Variants in VTI1A observed in about 807,000 individuals in gnomAD.
VTI1A encodes the protein vesicle transport through interaction with t-SNAREs homolog 1A.
A neutral mutation model predicts 34.9 loss-of-function variants in VTI1A; 22 were observed. The ratio of observed to expected loss-of-function variants is 0.63; its 90% CI spans 0.45 to 0.90. The LOEUF is 0.90. Ranked by LOEUF, VTI1A falls within the 40% of genes least tolerant of loss-of-function variation. The probability of loss-of-function intolerance (pLI) is 0.00; values close to 1 mark genes in which losing one functional copy is unlikely to be tolerated. For synonymous variants in VTI1A, 87 were observed against 97.3 expected, an observed-to-expected ratio of 0.89 and a Z score of 0.62; for missense variants, 268 against 275.6, an observed-to-expected ratio of 0.97 and a Z score of 0.20.
chr10:112,613,940 T>A (rs1419353150), intron 5 of VTI1A, among the ~76,000 whole-genome samples: 1 of 152,208 alleles, frequency 6.6e-6, no homozygotes, highest in East Asian at 1.9e-4. Flanking sequence ...CTGTTAACCA[T>A]TTTTTTGTTC....
chr10:112,459,670 T>A (rs1037973540), intron 1 of VTI1A, among the ~76,000 whole-genome samples: 1 of 152,110 alleles, frequency 6.6e-6, no homozygotes, highest in Non-Finnish European at 1.5e-5. Context: ...GTTCAATACA[T>A]CTGGTTTGCA....
chr10:112,536,962 A>G (rs766417426), intron 4 of VTI1A, among the ~76,000 whole-genome samples: 4 of 152,086 alleles, frequency 2.6e-5, no homozygotes, highest in African/African-American at 7.2e-5. Context: ...GCTTGGAGGC[A>G]CTGGTCTAGG....
intron 7 of VTI1A, among the ~76,000 whole-genome samples, chr10:112,726,358 T>A: frequency 6.6e-6 from 1 of 152,202 alleles, no homozygotes; most frequent in South Asian, 2.1e-4. Context: ...ACAGACTATT[T>A]TTATGTTTTT....
chr10:112,658,863 T>G (rs975277171), intron 5 of VTI1A, among the ~76,000 whole-genome samples: 1 of 152,222 alleles, frequency 6.6e-6, no homozygotes, highest in Admixed American at 6.5e-5. Context: ...TAAACAAATT[T>G]TTCCTGTGAT....
chr10:112,658,184 C>G lies in VTI1A; in HGVS notation c.428-10034C>G, dbSNP rs778273727. Among the ~76,000 whole-genome samples, 50 of 152,132 alleles carry G rather than the reference C, an allele frequency of 3.3e-4. 1 individual carries two copies. Among genetic ancestry groups the G allele is most frequent in the Non-Finnish European group, 3.1e-4 (21 of 68,012 alleles). On this transcript the variant is annotated intron_variant, in intron 5 of 7. Transcript: ENST00000393077. ...CTCACTGCAGCCTCAATCTCCTAAC[C>G]TCAAGTGATCTTCCCGCCTTAGCCT...
chr10:112,709,101 G>A (rs1590098237), intron 7 of VTI1A, among the ~76,000 whole-genome samples: 1 of 152,054 alleles, frequency 6.6e-6, no homozygotes, highest in African/African-American at 2.4e-5. Flanking sequence ...TGATTAGACC[G>A]CCTTCCTCTG....
At chr10:112,777,025 A>G (rs929214617) in intron 7 of VTI1A, among the ~76,000 whole-genome samples, 2 of 152,208 alleles carry the variant, frequency 1.3e-5, no homozygotes, top group African/African-American at 4.8e-5. Flanking sequence ...TTGCTTAGTA[A>G]GAGAAACTAA....
intron 5 of VTI1A, among the ~76,000 whole-genome samples, chr10:112,622,562 T>A (rs1845774465): frequency 6.6e-6 from 1 of 150,498 alleles, no homozygotes; most frequent in Non-Finnish European, 1.5e-5. Flanking sequence ...AACCAGGAAA[T>A]AAGTGCAGAC....
Position 112,797,411 on chromosome 10 carries a change from G to A in VTI1A, c.561-17879G>A, listed in dbSNP as rs1014191649. ...AGCTTTCACAAAAGAGGTCCATGTC[G>A]TTAAGACAATTGCTGTAAATCCCCC... On this transcript the variant is annotated intron_variant, in intron 7 of 7. Transcript: ENST00000393077. 4.6e-5 allele frequency among the ~76,000 whole-genome samples: 7 copies of A among 152,296 alleles called. No homozygotes were observed. In the South Asian group the frequency reaches 8.3e-4, roughly 18 times the overall value.
chr10:112,646,173 T>C (rs1413548598), intron 5 of VTI1A, among the ~76,000 whole-genome samples: 2 of 152,192 alleles, frequency 1.3e-5, no homozygotes, highest in African/African-American at 4.8e-5. Context: ...ACCTATCCTA[T>C]TGTTTTAAAT....
intron 5 of VTI1A, among the ~76,000 whole-genome samples, chr10:112,635,330 C>T (rs770862120): frequency 2.0e-5 from 3 of 152,104 alleles, no homozygotes; most frequent in African/African-American, 4.8e-5. Flanking sequence ...TTAGCAGAAC[C>T]GTGAGCAGTC....
chr10:112,622,206 C>T (rs7100404), intron 5 of VTI1A, among the ~76,000 whole-genome samples: 16,180 of 152,158 alleles, frequency 0.11, 936 homozygotes, highest in African/African-American at 0.13. Flanking sequence ...AGTCGATATA[C>T]CTAAAAGCCA....
chr10:112,654,159 G>A (rs1847140072), intron 5 of VTI1A, among the ~76,000 whole-genome samples: 1 of 152,108 alleles, frequency 6.6e-6, no homozygotes, highest in African/African-American at 2.4e-5. Flanking sequence ...TGCGTATTTG[G>A]TTATGTACTC....
chr10:112,474,649 G>T (rs1478197717), intron 3 of VTI1A, among the ~76,000 whole-genome samples: 6 of 151,008 alleles, frequency 4.0e-5, no homozygotes, highest in African/African-American at 1.5e-4. Flanking sequence ...TAGAGACAGG[G>T]TCTCCCTATG....
chr10:112,572,794 G>A (rs990554296), intron 5 of VTI1A, among the ~76,000 whole-genome samples: 8 of 149,624 alleles, frequency 5.3e-5, no homozygotes, highest in African/African-American at 9.9e-5. Flanking sequence ...AGCCGAGATC[G>A]CGCCACTACA....
intron 1 of VTI1A, among the ~76,000 whole-genome samples, chr10:112,455,561 T>C (rs773332489): frequency 1.7e-5 from 2 of 117,398 alleles, no homozygotes; most frequent in Non-Finnish European, 3.5e-5. Flanking sequence ...CCTTCCTTCC[T>C]TCCTTCTCTG....
chr10:112,848,538 G>A, the VTI1A span, among the ~76,000 whole-genome samples: 1 of 152,186 alleles, frequency 6.6e-6, no homozygotes, highest in African/African-American at 2.4e-5. Context: ...CAACAGAAGT[G>A]ATCATATTTA....
chr10:112,770,596 T>G (rs1851781107), intron 7 of VTI1A, among the ~76,000 whole-genome samples: 1 of 150,770 alleles, frequency 6.6e-6, no homozygotes, highest in Admixed American at 6.6e-5. Flanking sequence ...TTAGTAGAGA[T>G]AGGGTTTCAC....
At chr10:112,849,810 A>G in the VTI1A span, among the ~76,000 whole-genome samples, 1 of 152,192 alleles carries the variant, frequency 6.6e-6, no homozygotes, top group Non-Finnish European at 1.5e-5. Context: ...TATTTTGTTC[A>G]GATTTCCCTC....
Sources: allele counts gnomAD v4.1 joint callset (sites outside exome capture counted in the v4.1 genomes callset), GRCh38; gene constraint gnomAD v4.1.1; transcripts MANE v1.5; gene names NCBI Gene and HGNC (gene_info 2026-07-23, HGNC 2026-07-21).